CNTN5: variants seen among roughly 807,000 people sequenced by gnomAD.
CNTN5 encodes contactin 5.
In CNTN5, 77 loss-of-function variants were observed where a neutral mutation model predicts 129.1. The ratio of observed to expected loss-of-function variants is 0.60; its 90% confidence interval spans 0.50 to 0.72. The LOEUF is 0.72. Among genes scored for constraint, CNTN5 ranks in the 30% least tolerant of loss-of-function variants. CNTN5 has a pLI of 0.00. For missense variants in CNTN5, 1,478 were observed against 1,328.8 expected (o/e 1.11, Z -1.75); for synonymous variants, 509 against 465.6 (o/e 1.09, Z -1.20).
chr11:99,524,191 T>C (rs1194980720), intron 2 of CNTN5, among the ~76,000 whole-genome samples: 1 of 152,206 alleles, frequency 6.6e-6, no homozygotes, highest in East Asian at 1.9e-4. Context: ...GTTTCTGGTC[T>C]GGGTCACTTT....
chr11:99,170,591 AG>A (rs1861103409), intron 1 of CNTN5, among the ~76,000 whole-genome samples: 1 of 152,212 alleles, frequency 6.6e-6, no homozygotes, highest in Non-Finnish European at 1.5e-5. Flanking sequence ...TAATTGAGAT[AG>A]GGTGAGCCAG....
Position 100,147,268 on chromosome 11 carries a change from G to A in CNTN5, c.1581-43858G>A, listed in dbSNP as rs549531690. 3.9e-5 allele frequency among the ~76,000 whole-genome samples: 6 copies of A among 152,142 alleles called. No homozygotes were observed. In the South Asian group the frequency reaches 8.3e-4, roughly 21 times the overall value. On this transcript the variant is annotated intron_variant, in intron 13 of 24. Coordinates refer to ENST00000524871, the MANE Select transcript of CNTN5 (RefSeq NM_014361.4). ...CTATTTTCTCTCCATTGAATTTCACGCATTCATAGGGGAAAGGAATGAGCT... is the reference window on the plus strand; with the variant it reads ...CTATTTTCTCTCCATTGAATTTCACACATTCATAGGGGAAAGGAATGAGCT...
At chr11:99,477,677 C>A (rs2726365) in intron 2 of CNTN5, among the ~76,000 whole-genome samples, 30,213 of 151,418 alleles carry the variant, frequency 0.2, 3,348 homozygotes, top group Middle Eastern at 0.33. Flanking sequence ...GGGCCGGGTG[C>A]AGTGGCTCAC....
chr11:100,199,510 A>T (rs1446632744), intron 15 of CNTN5, among the ~76,000 whole-genome samples: 1 of 151,880 alleles, frequency 6.6e-6, no homozygotes, highest in Non-Finnish European at 1.5e-5. Flanking sequence ...AATAGGACAG[A>T]AACATACAGT....
intron 6 of CNTN5, among the ~76,000 whole-genome samples, chr11:99,861,375 T>C (rs1273233928): frequency 6.6e-6 from 1 of 152,212 alleles, no homozygotes; most frequent in Non-Finnish European, 1.5e-5. Context: ...GGTCATGCTT[T>C]CTTAAAATCT....
intron 21 of CNTN5, among the ~76,000 whole-genome samples, chr11:100,317,737 T>C (rs1247278341): frequency 1.3e-5 from 2 of 152,224 alleles, no homozygotes; most frequent in Non-Finnish European, 2.9e-5. Flanking sequence ...TTATCAAAAA[T>C]AGTTACTCAC....
At chr11:99,717,977 G>A (rs376720362) in intron 3 of CNTN5, among the ~76,000 whole-genome samples, 4 of 152,136 alleles carry the variant, frequency 2.6e-5, no homozygotes, top group Admixed American at 2.0e-4. Flanking sequence ...TCCTGCAGGC[G>A]TTTCATTGCG....
intron 3 of CNTN5, among the ~76,000 whole-genome samples, chr11:99,602,752 A>G (rs1288771809): frequency 1.3e-5 from 2 of 151,090 alleles, no homozygotes; most frequent in East Asian, 3.9e-4. Context: ...TGGAGATCTG[A>G]GAACGGGCAG....
At chr11:99,310,934 T>C (rs1380669626) in intron 1 of CNTN5, among the ~76,000 whole-genome samples, 1 of 45,846 alleles carries the variant, frequency 2.2e-5, no homozygotes, top group Non-Finnish European at 4.4e-5. Context: ...GTTGATTATT[T>C]ATTATTTTTT....
At chr11:99,677,126 C>T (rs891510407) in intron 3 of CNTN5, among the ~76,000 whole-genome samples, 1 of 152,084 alleles carries the variant, frequency 6.6e-6, no homozygotes, top group African/African-American at 2.4e-5. Flanking sequence ...TGATGTTACA[C>T]AACAATAATT....
Position 100,350,871 on chromosome 11 carries a change from G to A in CNTN5, c.3199+1G>A. 1 of 1,555,052 alleles carries A rather than the reference G, an allele frequency of 6.4e-7. No individual in the cohort carries two copies. The highest frequency in any genetic ancestry group is 8.7e-7 in the Non-Finnish European group (1 of 1,144,930). On this transcript the variant is annotated splice_donor_variant, in intron 24 of 24. Transcript: ENST00000524871. LOFTEE classifies it high-confidence loss of function. ...CAAATTAGGGTACCATCATATTCAG[G>A]TAAGTTTTGACACAGTAGATTTAAT...
chr11:99,902,578 C>T (rs1188350807), intron 6 of CNTN5, among the ~76,000 whole-genome samples: 1 of 152,076 alleles, frequency 6.6e-6, no homozygotes, highest in African/African-American at 2.4e-5. Flanking sequence ...AGAGCAACAA[C>T]AAAACAGAAG....
chr11:100,040,765 C>G (rs553293565), intron 9 of CNTN5, among the ~76,000 whole-genome samples: 1 of 152,312 alleles, frequency 6.6e-6, no homozygotes, highest in Non-Finnish European at 1.5e-5. Flanking sequence ...GGGCGTAGGA[C>G]CCTCCTAGCC....
chr11:99,813,050 A>T (rs1281374787), intron 3 of CNTN5, among the ~76,000 whole-genome samples: 1 of 152,088 alleles, frequency 6.6e-6, no homozygotes, highest in Admixed American at 6.6e-5. Context: ...ATACTCCCAG[A>T]TTGTAAATTC....
chr11:99,520,458 T>C (rs779523504), intron 2 of CNTN5, among the ~76,000 whole-genome samples: 43 of 152,208 alleles, frequency 2.8e-4, no homozygotes, highest in Admixed American at 1.0e-3. Context: ...AGAAAAACAA[T>C]GTAGGGAGCA....
chr11:99,925,692 CAA>C (rs1277420650), intron 7 of CNTN5, among the ~76,000 whole-genome samples: 2 of 151,700 alleles, frequency 1.3e-5, no homozygotes, highest in Non-Finnish European at 2.9e-5. Flanking sequence ...AAGAAAGAAA[CAA>C]AAGAGATAAT....
intron 3 of CNTN5, among the ~76,000 whole-genome samples, chr11:99,556,924 G>A (rs1237809699): frequency 6.6e-6 from 1 of 151,058 alleles, no homozygotes; most frequent in South Asian, 2.1e-4. Flanking sequence ...AATGCCTAAA[G>A]TTAATATGTC....
At chr11:99,990,028 G>A (rs1205685629) in intron 8 of CNTN5, among the ~76,000 whole-genome samples, 2 of 152,152 alleles carry the variant, frequency 1.3e-5, no homozygotes, top group African/African-American at 2.4e-5. Context: ...GCCTCCCAAA[G>A]TCCTGGGGTT....
chr11:100,171,197 G>A (rs1041548228), intron 13 of CNTN5, among the ~76,000 whole-genome samples: 4 of 151,866 alleles, frequency 2.6e-5, no homozygotes, highest in Non-Finnish European at 5.9e-5. Flanking sequence ...GCTTAGCCAC[G>A]GTCAAGCTTT....
Sources: gnomAD v4.1 joint callset for allele counts (sites outside exome capture counted in the v4.1 genomes callset) on GRCh38, gnomAD v4.1.1 for gene constraint, MANE v1.5 for transcripts, NCBI Gene and HGNC (gene_info 2026-07-23, HGNC 2026-07-21) for gene names.